Variants in NDUFA5 observed in about 807,000 individuals in gnomAD.
NDUFA5 encodes NADH:ubiquinone oxidoreductase subunit A5.
Under a neutral mutation model 19.8 loss-of-function variants are expected in NDUFA5, and 11 were observed. The ratio of observed to expected loss-of-function variants is 0.56; its 90% CI spans 0.35 to 0.92. The LOEUF (loss-of-function observed/expected upper bound fraction) is 0.92. Ranked by LOEUF, NDUFA5 falls within the 40% of genes least tolerant of loss-of-function variation. The pLI is 0.01. For missense variants in NDUFA5, 109 were observed against 134.2 expected (o/e 0.81, Z 0.93); for synonymous variants, 47 against 46.8 (o/e 1.00, Z -0.01).
Position 123,541,473 on chromosome 7 carries a change from C to T in NDUFA5, c.*646G>A, listed in dbSNP as rs1210657082. On this transcript the variant is annotated 3_prime_UTR_variant, in exon 5 of 5. Coordinates refer to ENST00000355749, the MANE Select transcript of NDUFA5 (RefSeq NM_005000.5). The stretch of plus-strand genomic sequence containing the variant: ...AAGGTTTTCAAATATAATACAGTAA[C>T]AACAAAATATAATAAAATTAAGACT... The T allele has an allele frequency of 1.3e-5, 2 of 151,980 alleles. No individual in the cohort carries two copies. Among genetic ancestry groups the T allele is most frequent in the African/African-American group, 4.8e-5 (2 of 41,368 alleles). The allele number at this position is 151,980 out of a possible 1,614,324, so 9.4% of individuals were successfully genotyped here. A position where few individuals can be genotyped will look rare whatever the true frequency, so the allele number is the denominator to read the frequency against.
At chr7:123,587,596 G>A in the NDUFA5 span, among the ~76,000 whole-genome samples, 2 of 151,574 alleles carry the variant, frequency 1.3e-5, no homozygotes, top group East Asian at 1.9e-4. Context: ...TAGAAGTGAC[G>A]AGAGAAGGCT....
chr7:123,574,601 C>T, the NDUFA5 span, among the ~76,000 whole-genome samples: 110,453 of 152,028 alleles, frequency 0.73, 40,269 homozygotes, highest in African/African-American at 0.8. Flanking sequence ...CCATTTCCTA[C>T]TGCCAGTAGC....
intron 3 of NDUFA5, chr7:123,546,863 TGTGA>T (rs1187202991): frequency 6.4e-6 from 3 of 471,520 alleles, no homozygotes; most frequent in Admixed American, 4.8e-5. Context: ...TTCTAGAAAC[TGTGA>T]GTGTTACTTT....
the NDUFA5 span, among the ~76,000 whole-genome samples, chr7:123,600,073 GACTA>G: frequency 1.3e-5 from 2 of 152,246 alleles, no homozygotes; most frequent in South Asian, 2.1e-4. Context: ...GTGCATAGAT[GACTA>G]ACTACTTGAG....
chr7:123,572,360 C>T, the NDUFA5 span, among the ~76,000 whole-genome samples: 2 of 151,350 alleles, frequency 1.3e-5, no homozygotes, highest in African/African-American at 2.4e-5. Flanking sequence ...AGGACGGTCT[C>T]GATCTCTTGA....
At chr7:123,542,885 T>G (rs781171143) in intron 4 of NDUFA5, among the ~76,000 whole-genome samples, 1 of 152,226 alleles carries the variant, frequency 6.6e-6, no homozygotes, top group Non-Finnish European at 1.5e-5. Context: ...ACACACATTT[T>G]AGGTAGCTTT....
At chr7:123,595,679 T>G in the NDUFA5 span, among the ~76,000 whole-genome samples, 2 of 152,216 alleles carry the variant, frequency 1.3e-5, no homozygotes, top group East Asian at 3.8e-4. Context: ...TGGTCAATAT[T>G]TGTTAAATAC....
rs1206804134 is a variant in NDUFA5, at chr7:123,538,610, G to A, written c.*3509C>T. On this transcript the variant is annotated 3_prime_UTR_variant, in exon 5 of 5. Coordinates refer to ENST00000355749, the MANE Select transcript of NDUFA5 (RefSeq NM_005000.5). The stretch of plus-strand genomic sequence containing the variant: ...TCACCATATTGGCCAGGCTGGCCTC[G>A]AACTTTTGACCTCAAGTGATCCACC... The A allele has an allele frequency of 2.0e-5, 3 of 152,288 alleles. No individual in the cohort carries two copies. The highest frequency in any genetic ancestry group is 2.1e-4 in the South Asian group (1 of 4,830). The allele number at this position is 152,288 out of a possible 1,614,324, so 9.4% of individuals were successfully genotyped here. A position where few individuals can be genotyped will look rare whatever the true frequency, so the allele number is the denominator to read the frequency against.
Position 123,541,632 on chromosome 7 carries a change from A to T in NDUFA5, c.*487T>A, listed in dbSNP as rs1460188049. The T allele has an allele frequency of 6.6e-6, 1 of 152,218 alleles. No individual in the cohort carries two copies. Among genetic ancestry groups the T allele is most frequent in the Non-Finnish European group, 1.5e-5 (1 of 68,028 alleles). The allele number at this position is 152,218 out of a possible 1,614,324, so 9.4% of individuals were successfully genotyped here. On this transcript the variant is annotated 3_prime_UTR_variant, in exon 5 of 5. Coordinates refer to ENST00000355749, the MANE Select transcript of NDUFA5 (RefSeq NM_005000.5). Reference sequence around the variant, plus strand: ...TAAGATCACAGCTGAGGTTAACCATAATTTCAAATTTTATCACCAGCCACT... The same window carrying T: ...TAAGATCACAGCTGAGGTTAACCATTATTTCAAATTTTATCACCAGCCACT...
intron 2 of NDUFA5, among the ~76,000 whole-genome samples, chr7:123,553,587 T>TA (rs1798434936): frequency 6.6e-6 from 1 of 151,960 alleles, no homozygotes; most frequent in East Asian, 1.9e-4. Context: ...AAAGAAAAAA[T>TA]AAGTGTGTGT....
At chr7:123,556,733 C>CA (rs113495801) in intron 2 of NDUFA5, 113,154 of 405,082 alleles carry the variant, frequency 0.28, 16,482 homozygotes, top group East Asian at 0.31. Context: ...TCAAATGTGT[C>CA]AAAAAACGCT....
At chr7:123,587,568 C>T in the NDUFA5 span, among the ~76,000 whole-genome samples, 23 of 151,370 alleles carry the variant, frequency 1.5e-4, no homozygotes, top group Non-Finnish European at 3.0e-4. Context: ...TGGTGAGAAC[C>T]TCCAGTACTA....
the NDUFA5 span, among the ~76,000 whole-genome samples, chr7:123,577,582 T>C: frequency 6.6e-6 from 1 of 152,288 alleles, no homozygotes; most frequent in African/African-American, 2.4e-5. Context: ...GCCAGAATTC[T>C]CTTCTTCTCA....
At chr7:123,592,540 G>T in the NDUFA5 span, among the ~76,000 whole-genome samples, 44,758 of 151,958 alleles carry the variant, frequency 0.29, 6,734 homozygotes, top group East Asian at 0.4. Flanking sequence ...ATTTTGTTAT[G>T]TACCCAGTAG....
chr7:123,593,998 A>C, the NDUFA5 span, among the ~76,000 whole-genome samples: 1 of 151,778 alleles, frequency 6.6e-6, no homozygotes, highest in Admixed American at 6.6e-5. Flanking sequence ...TTTTTTCTCT[A>C]ATCTTGTCTT....
the NDUFA5 span, among the ~76,000 whole-genome samples, chr7:123,572,920 T>G: frequency 6.6e-6 from 1 of 152,120 alleles, no homozygotes. Flanking sequence ...TTTTCTCTTT[T>G]TTGTCTTTTT....
chr7:123,580,206 G>A, the NDUFA5 span, among the ~76,000 whole-genome samples: 84 of 152,110 alleles, frequency 5.5e-4, no homozygotes, highest in South Asian at 0.016. Context: ...AGAACCCAGC[G>A]AAAGGATGCG....
the NDUFA5 span, among the ~76,000 whole-genome samples, chr7:123,595,388 T>C: frequency 6.6e-6 from 1 of 152,206 alleles, no homozygotes; most frequent in Admixed American, 6.5e-5. Context: ...CATTTCATCT[T>C]CCTAAAAGTT....
chr7:123,572,790 A>C, the NDUFA5 span, among the ~76,000 whole-genome samples: 1 of 150,550 alleles, frequency 6.6e-6, no homozygotes, highest in South Asian at 2.1e-4. Flanking sequence ...AGTTTTATAC[A>C]TTTGTTACAT....
Sources: allele counts gnomAD v4.1 joint callset (sites outside exome capture counted in the v4.1 genomes callset), GRCh38; gene constraint gnomAD v4.1.1; transcripts MANE v1.5; gene names NCBI Gene and HGNC (gene_info 2026-07-23, HGNC 2026-07-21).